Variants in RPIA observed in about 807,000 individuals in gnomAD.
The protein encoded by RPIA is ribose 5-phosphate isomerase A, also known as ribose-5-phosphate isomerase.
Under a neutral mutation model 37.8 loss-of-function variants are expected in RPIA, and 29 were observed. The ratio of observed to expected loss-of-function variants is 0.77; its 90% CI spans 0.57 to 1.05. RPIA has a LOEUF of 1.05. Ranked by LOEUF, RPIA falls within the 50% of genes least tolerant of loss-of-function variation. RPIA has a pLI of 0.00. For missense variants in RPIA, 385 were observed against 413.6 expected (o/e 0.93, Z 0.60); for synonymous variants, 167 against 157.0 (o/e 1.06, Z -0.48).
intron 8 of RPIA, among the ~76,000 whole-genome samples, chr2:88,746,748 A>G (rs1279149709): frequency 6.6e-6 from 1 of 152,184 alleles, no homozygotes; most frequent in Non-Finnish European, 1.5e-5. Context: ...TTATGCTAGC[A>G]GTGAAGTTGC....
chr2:88,723,899 C>T (rs186866071), intron 3 of RPIA, among the ~76,000 whole-genome samples: 32 of 151,942 alleles, frequency 2.1e-4, no homozygotes, highest in East Asian at 7.8e-4. Flanking sequence ...CAAGCAAAGG[C>T]GGGAAGACTT....
chr2:88,706,583 G>T (rs1672900815), intron 3 of RPIA, among the ~76,000 whole-genome samples: 1 of 152,014 alleles, frequency 6.6e-6, no homozygotes, highest in South Asian at 2.1e-4. Flanking sequence ...GAGCATCAGG[G>T]TAAATAGCTA....
intron 3 of RPIA, among the ~76,000 whole-genome samples, chr2:88,709,795 G>A (rs1672940168): frequency 6.6e-6 from 1 of 152,162 alleles, no homozygotes; most frequent in Non-Finnish European, 1.5e-5. Flanking sequence ...ATTAGTGTTA[G>A]AGCAGCCTTT....
At chr2:88,717,093 T>C (rs2104103581) in intron 3 of RPIA, among the ~76,000 whole-genome samples, 1 of 152,272 alleles carries the variant, frequency 6.6e-6, no homozygotes, top group South Asian at 2.1e-4. Context: ...GGCAGAATGG[T>C]CTTTGGAATG....
chr2:88,692,375 C>T (rs1251460839), intron 1 of RPIA, among the ~76,000 whole-genome samples: 2 of 152,046 alleles, frequency 1.3e-5, no homozygotes, highest in Non-Finnish European at 2.9e-5. Context: ...TTTACTGACC[C>T]GGAAGCCGGC....
intron 1 of RPIA, 31 bp downstream of exon 1, chr2:88,692,014 G>T (rs985883834): frequency 1.0e-5 from 16 of 1,555,222 alleles, no homozygotes; most frequent in Non-Finnish European, 1.3e-5. Flanking sequence ...GGCGCGGGGC[G>T]CATGTCCTTG....
In RPIA at chr2:88,691,882, T is replaced by C. The variant is rs771056894; in HGVS notation, c.184T>C (p.Cys62Arg). The C allele has an allele frequency of 3.8e-6, 6 of 1,596,230 alleles. No individual in the cohort carries two copies. Among genetic ancestry groups the C allele is most frequent in the Non-Finnish European group, 4.3e-6 (5 of 1,172,706 alleles). ...CGGTGCTGGCAACACAAGCACCAGCTGCGGGGACTCCAACAGCATCTGCCC... is the reference window on the plus strand; with the variant it reads ...CGGTGCTGGCAACACAAGCACCAGCCGCGGGGACTCCAACAGCATCTGCCC... ...RGGAGNTSTS[C>R]GDSNSICPAP... is the part of the protein sequence containing the mutation. The change falls in exon 1 of 9, where the codon TGC becomes CGC. Residue 62 changes from cysteine (C) to arginine (R), a missense_variant. This residue lies in a region of RPIA where 232 missense variants were observed against 203.0 expected (regional missense o/e 1.14). Transcript: ENST00000283646.
intron 3 of RPIA, among the ~76,000 whole-genome samples, chr2:88,713,120 A>ATAT (rs1041923467): frequency 2.3e-4 from 15 of 65,282 alleles, no homozygotes; most frequent in East Asian, 1.7e-3. Context: ...ATATATATAT[A>ATAT]TTTTTTTTTT....
At chr2:88,708,823 C>A (rs1672927466) in intron 3 of RPIA, among the ~76,000 whole-genome samples, 1 of 147,100 alleles carries the variant, frequency 6.8e-6, no homozygotes, top group Admixed American at 6.9e-5. Context: ...GTGGCACGAT[C>A]TTGGCTCACT....
chr2:88,733,161 C>A (rs1263575795), intron 4 of RPIA, among the ~76,000 whole-genome samples: 3 of 152,082 alleles, frequency 2.0e-5, no homozygotes, highest in Non-Finnish European at 4.4e-5. Context: ...AGAGAACATT[C>A]CAGAGAGTGG....
At chr2:88,747,743 A>G (rs1444680291) in intron 8 of RPIA, among the ~76,000 whole-genome samples, 4 of 152,174 alleles carry the variant, frequency 2.6e-5, no homozygotes, top group Non-Finnish European at 5.9e-5. Flanking sequence ...TGGATTTTTC[A>G]GGTTCCCCGG....
chr2:88,719,442 G>A (rs1199374705), intron 3 of RPIA, among the ~76,000 whole-genome samples: 1 of 151,990 alleles, frequency 6.6e-6, no homozygotes, highest in Non-Finnish European at 1.5e-5. Flanking sequence ...GCCAAATTAT[G>A]TCATTGTTTT....
intron 1 of RPIA, among the ~76,000 whole-genome samples, chr2:88,692,295 G>T (rs1676947160): frequency 6.6e-6 from 1 of 152,218 alleles, no homozygotes; most frequent in Non-Finnish European, 1.5e-5. Flanking sequence ...AGAGGCACTT[G>T]CCTTGTGGCC....
chr2:88,707,000 G>C (rs1381819959), intron 3 of RPIA, among the ~76,000 whole-genome samples: 1 of 152,164 alleles, frequency 6.6e-6, no homozygotes, highest in Non-Finnish European at 1.5e-5. Context: ...GGAAGAAGAG[G>C]GTTCATATGT....
intron 8 of RPIA, among the ~76,000 whole-genome samples, chr2:88,744,150 G>C (rs1165419880): frequency 1.3e-5 from 2 of 150,842 alleles, no homozygotes; most frequent in Non-Finnish European, 3.0e-5. Context: ...AAGGCTATGA[G>C]CTTTCCTCTT....
intron 3 of RPIA, among the ~76,000 whole-genome samples, chr2:88,700,606 A>G (rs188167402): frequency 6.6e-6 from 1 of 152,280 alleles, no homozygotes; most frequent in East Asian, 1.9e-4. Context: ...GTGAGCTGTG[A>G]TTGTGCCAGT....
chr2:88,691,937 A>G lies in RPIA; in HGVS notation c.239A>G (p.Glu80Gly). 1 of 1,599,792 alleles carries G rather than the reference A, an allele frequency of 6.3e-7. No homozygotes were observed. Among genetic ancestry groups the G allele is most frequent in the Non-Finnish European group, 8.5e-7 (1 of 1,173,914 alleles). The change falls in exon 1 of 9, where the codon GAG becomes GGG. Residue 80 changes from glutamate to glycine, a missense_variant. Transcript: ENST00000283646. Reference sequence around the variant, plus strand: ...CCCTCCACGATGTCCAAGGCCGAGGAGGCCAAGAAGCTGGCGGGCCGCGCG... The same window carrying G: ...CCCTCCACGATGTCCAAGGCCGAGGGGGCCAAGAAGCTGGCGGGCCGCGCG... The part of the protein sequence containing the change: ...PAPSTMSKAE[E>G]AKKLAGRAAV...
chr2:88,749,068 C>T (rs1243656939), intron 8 of RPIA, among the ~76,000 whole-genome samples: 1 of 152,166 alleles, frequency 6.6e-6, no homozygotes, highest in Non-Finnish European at 1.5e-5. Flanking sequence ...TGGGTATTAT[C>T]AGTTTTTAGC....
Position 88,722,809 on chromosome 2 carries a change from C to G in RPIA, c.403-6469C>G, listed in dbSNP as rs371735874. On this transcript the variant is annotated intron_variant, in intron 3 of 8. Transcript: ENST00000283646. ...CAAAGAAAACAGAACACCCCAACTG[C>G]GGTGAGTGGCACCTTTGTTCTGAAT... is the stretch of plus-strand genomic sequence containing the variant. Among the ~76,000 whole-genome samples, 39 of 152,278 alleles carry G rather than the reference C, an allele frequency of 2.6e-4. No homozygotes were observed. In the South Asian group the frequency reaches 7.1e-3, roughly 28 times the overall value.
Sources: gnomAD v4.1 joint callset for allele counts (sites outside exome capture counted in the v4.1 genomes callset) on GRCh38, gnomAD v4.1.1 for gene constraint, gnomAD v4.1.1 regional missense constraint, MANE v1.5 for transcripts, NCBI Gene and HGNC (gene_info 2026-07-23, HGNC 2026-07-21) for gene names.